The following STK32A variants were observed in gnomAD, a reference collection of about 807,000 sequenced individuals.
The protein encoded by STK32A is serine/threonine-protein kinase 32A.
A neutral mutation model predicts 53.2 loss-of-function variants in STK32A; 41 were observed. The observed-to-expected ratio is 0.77, with a 90% CI of 0.60 to 1.00. The LOEUF (loss-of-function observed/expected upper bound fraction) is 1.00, where lower values mean the gene tolerates loss of function less well. Ranked by LOEUF, STK32A falls within the 50% of genes least tolerant of loss-of-function variation. STK32A has a pLI of 0.00. For synonymous variants in STK32A, 166 were observed against 162.8 expected, an observed-to-expected ratio of 1.02 and a Z score of -0.15; for missense variants, 458 against 485.8, an observed-to-expected ratio of 0.94 and a Z score of 0.54.
At chr5:147,364,092 G>A (rs1488272168) in intron 8 of STK32A, among the ~76,000 whole-genome samples, 2 of 151,590 alleles carry the variant, frequency 1.3e-5, no homozygotes, top group African/African-American at 4.9e-5. Context: ...GTGGATGCCT[G>A]TAATCCCAGC....
chr5:147,315,162 G>C (rs1753931797), intron 4 of STK32A, among the ~76,000 whole-genome samples: 1 of 152,072 alleles, frequency 6.6e-6, no homozygotes, highest in Non-Finnish European at 1.5e-5. Flanking sequence ...GAAAACAGTT[G>C]GACAGTTCTT....
chr5:147,400,901 T>C, the STK32A span: 1 of 1,565,938 alleles, frequency 6.4e-7, no homozygotes, highest in Non-Finnish European at 8.7e-7. Flanking sequence ...GCTTAGAGTC[T>C]TGTGTTTACT....
rs940930626 is a variant in STK32A, at chr5:147,387,127, C to T, written c.*3144C>T. 1.3e-5 allele frequency: 2 copies of T among 152,234 alleles called. No individual in the cohort carries two copies. Among genetic ancestry groups the T allele is most frequent in the Admixed American group, 1.3e-4 (2 of 15,292 alleles). 9.4% of individuals were successfully genotyped at this position (152,234 alleles called of 1,614,324 possible). On this transcript the variant is annotated 3_prime_UTR_variant, in exon 13 of 13. Coordinates refer to ENST00000397936, the MANE Select transcript of STK32A (RefSeq NM_001112724.2). ...AGCAGGTTTTGAAGTCCAAGAGCATCCCAGCTATAAGGCTCTTGCACTGTG... is the reference window on the plus strand; with the variant it reads ...AGCAGGTTTTGAAGTCCAAGAGCATTCCAGCTATAAGGCTCTTGCACTGTG...
chr5:147,397,884 A>ACAGAAAGAG, the STK32A span: 486 of 1,553,038 alleles, frequency 3.1e-4, 2 homozygotes, highest in South Asian at 4.1e-3. Flanking sequence ...CAGTAAGGGT[A>ACAGAAAGAG]GAGAAAGAGG....
Position 147,351,117 on chromosome 5 carries a change from A to G in STK32A, c.525A>G (p.Thr175=). ...FNIAAMLPRE[T]QITTMAGTKP... ...TTGCTGCGATGCTGCCCAGGGAGAC[A>G]CAGATTACCACCATGGCTGGCACCA... is the stretch of plus-strand genomic sequence containing the variant. The change falls in exon 7 of 13, where the codon ACA becomes ACG. Residue 175 remains threonine (T), a synonymous_variant. Coordinates refer to ENST00000397936, the MANE Select transcript of STK32A (RefSeq NM_001112724.2). 3 of 1,613,936 alleles carry G rather than the reference A, an allele frequency of 1.9e-6. 1 individual carries two copies. In the South Asian group the frequency reaches 3.3e-5, roughly 18 times the overall value.
intron 4 of STK32A, among the ~76,000 whole-genome samples, chr5:147,305,242 G>A (rs1753346001): frequency 1.3e-5 from 2 of 152,106 alleles, no homozygotes. Context: ...AAAGGAAAAA[G>A]AAAGAAAAAC....
At chr5:147,368,080 T>A (rs865940806) in intron 8 of STK32A, among the ~76,000 whole-genome samples, 1 of 152,270 alleles carries the variant, frequency 6.6e-6, no homozygotes, top group African/African-American at 2.4e-5. Context: ...TCAGTCTTAA[T>A]GAATGTGTCC....
chr5:147,306,583 T>C (rs567003111), intron 4 of STK32A, among the ~76,000 whole-genome samples: 2 of 151,322 alleles, frequency 1.3e-5, no homozygotes, highest in Admixed American at 6.6e-5. Flanking sequence ...TTGTATCATA[T>C]ATAAAATCAA....
intron 5 of STK32A, among the ~76,000 whole-genome samples, chr5:147,329,109 C>T (rs1052101775): frequency 2.0e-5 from 3 of 152,066 alleles, no homozygotes; most frequent in African/African-American, 4.8e-5. Flanking sequence ...TTTCATTTCC[C>T]ATTGAGTACC....
intron 2 of STK32A, among the ~76,000 whole-genome samples, chr5:147,242,876 A>C (rs1455532657): frequency 6.6e-6 from 1 of 152,182 alleles, no homozygotes; most frequent in Non-Finnish European, 1.5e-5. Context: ...GATTGAGCAC[A>C]AGGTAAAATT....
chr5:147,269,672 T>C (rs1414872149), intron 2 of STK32A, among the ~76,000 whole-genome samples: 4 of 152,332 alleles, frequency 2.6e-5, no homozygotes, highest in African/African-American at 9.6e-5. Flanking sequence ...TTGGGTCTTA[T>C]CTTGGAATTT....
At chr5:147,279,498 C>G (rs763128761) in intron 4 of STK32A, 100 bp downstream of exon 4, 30 of 1,061,456 alleles carry the variant, frequency 2.8e-5, no homozygotes, top group Non-Finnish European at 3.7e-5. Flanking sequence ...TGGCTGGTAT[C>G]CAGGCTCTTG....
intron 11 of STK32A, among the ~76,000 whole-genome samples, chr5:147,381,155 A>C (rs984751461): frequency 4.6e-5 from 7 of 152,144 alleles, no homozygotes; most frequent in African/African-American, 1.7e-4. Context: ...TCACTTTTCA[A>C]GAACAGTTCT....
At chr5:147,246,293 T>C (rs1406686182) in intron 2 of STK32A, among the ~76,000 whole-genome samples, 1 of 152,100 alleles carries the variant, frequency 6.6e-6, no homozygotes, top group African/African-American at 2.4e-5. Context: ...TACAAAGGGA[T>C]TGGAGAAACA....
At chr5:147,354,775 G>A (rs1756140200) in intron 7 of STK32A, among the ~76,000 whole-genome samples, 1 of 152,116 alleles carries the variant, frequency 6.6e-6, no homozygotes, top group African/African-American at 2.4e-5. Context: ...CAGAAATCAA[G>A]CTTTTTCTTA....
intron 2 of STK32A, among the ~76,000 whole-genome samples, chr5:147,248,822 T>C (rs897688032): frequency 1.3e-5 from 2 of 152,236 alleles, no homozygotes; most frequent in Non-Finnish European, 2.9e-5. Context: ...CCTTGGAGAC[T>C]ACTTCCCTGG....
chr5:147,265,322 G>A (rs1157323453), intron 2 of STK32A, among the ~76,000 whole-genome samples: 1 of 151,874 alleles, frequency 6.6e-6, no homozygotes, highest in African/African-American at 2.4e-5. Flanking sequence ...TAAAATCCGA[G>A]AGGCAAAATT....
chr5:147,329,642 C>CGCAT (rs1410135731), intron 5 of STK32A, among the ~76,000 whole-genome samples: 3 of 151,258 alleles, frequency 2.0e-5, no homozygotes, highest in African/African-American at 7.4e-5. Flanking sequence ...TGCACGTGCA[C>CGCAT]GCACGCACAC....
chr5:147,354,889 G>C (rs181408587), intron 7 of STK32A, among the ~76,000 whole-genome samples: 2 of 152,160 alleles, frequency 1.3e-5, no homozygotes, highest in African/African-American at 4.8e-5. Flanking sequence ...TATTCGAAAT[G>C]TTTCTTGCCT....
Sources: allele counts gnomAD v4.1 joint callset (sites outside exome capture counted in the v4.1 genomes callset), GRCh38; gene constraint gnomAD v4.1.1; transcripts MANE v1.5; gene names NCBI Gene and HGNC (gene_info 2026-07-23, HGNC 2026-07-21).